The following ANK3 variants were observed in gnomAD, a reference collection of about 807,000 sequenced individuals.
The protein encoded by ANK3 is ankyrin 3, also known as ankyrin-3.
A neutral mutation model predicts 370.9 loss-of-function variants in ANK3; 57 were observed. The observed-to-expected ratio is 0.15, with a 90% CI of 0.12 to 0.19. The LOEUF is 0.19. ANK3 is among the 10% of genes least tolerant of loss of function. The pLI is 1.00. For synonymous variants in ANK3, 1,929 were observed against 1,946.3 expected, an observed-to-expected ratio of 0.99 and a Z score of 0.23; for missense variants, 4,439 against 5,302.1, an observed-to-expected ratio of 0.84 and a Z score of 5.06.
At chr10:60,144,734 T>C (rs185020799) in intron 23 of ANK3, among the ~76,000 whole-genome samples, 76 of 152,272 alleles carry the variant, frequency 5.0e-4, no homozygotes, top group Admixed American at 3.1e-3. Context: ...AAAGAGAGTA[T>C]ATTAAATGAT....
chr10:60,348,573 T>A (rs1399544300), intron 1 of ANK3, among the ~76,000 whole-genome samples: 1 of 152,168 alleles, frequency 6.6e-6, no homozygotes, highest in Non-Finnish European at 1.5e-5. Context: ...GCTTCCCAGC[T>A]GCTAAATACA....
In ANK3 at chr10:60,721,927, TG is replaced by T. The variant is rs369073311; in HGVS notation, c.57+11335del. On this transcript the variant is annotated intron_variant, in intron 1 of 43. Coordinates refer to the ANK3 transcript ENST00000373827. ...AATCTTACCAGTTGGGAGGAAACTC[TG>T]CAGAAGTGACTTTGCCAAGTGTACA... Among the ~76,000 whole-genome samples the T allele has an allele frequency of 3.3e-3, 496 of 152,314 alleles. 3 individuals carry two copies. Among genetic ancestry groups the T allele is most frequent in the African/African-American group, 0.011 (472 of 41,574 alleles).
At chr10:60,668,621 G>T (rs546165124) in intron 1 of ANK3, among the ~76,000 whole-genome samples, 15 of 152,168 alleles carry the variant, frequency 9.9e-5, no homozygotes, top group Non-Finnish European at 1.6e-4. Flanking sequence ...ACTGGGAGAT[G>T]GGAGGAAGTT....
At chr10:60,666,117 C>T (rs2078992434) in intron 1 of ANK3, among the ~76,000 whole-genome samples, 1 of 152,160 alleles carries the variant, frequency 6.6e-6, no homozygotes. Context: ...CACCTATGTT[C>T]ATAAGGGCAT....
At chr10:60,372,521 G>C (rs2060238314) in intron 1 of ANK3, among the ~76,000 whole-genome samples, 1 of 152,098 alleles carries the variant, frequency 6.6e-6, no homozygotes, top group South Asian at 2.1e-4. Context: ...GCCATGACAG[G>C]GTGCTAGGTT....
At chr10:60,151,090 T>C (rs1308115991) in intron 23 of ANK3, among the ~76,000 whole-genome samples, 1 of 152,146 alleles carries the variant, frequency 6.6e-6, no homozygotes, top group Non-Finnish European at 1.5e-5. Flanking sequence ...GGAGTAAAAA[T>C]AGTATTAATA....
intron 2 of ANK3, among the ~76,000 whole-genome samples, chr10:60,452,075 A>C (rs1449492836): frequency 1.3e-5 from 2 of 152,190 alleles, no homozygotes; most frequent in African/African-American, 4.8e-5. Context: ...TGTTTCTGTA[A>C]ATTCACTGAA....
upstream of ANK3, chr10:60,733,510 T>G: frequency 2.2e-6 from 1 of 447,716 alleles, no homozygotes; most frequent in Non-Finnish European, 3.6e-6. Context: ...GACCGCCAGG[T>G]GCCCGCGCGG....
Position 60,226,079 on chromosome 10 carries a change from G to C in ANK3, c.897+8609C>G, listed in dbSNP as rs1407501578. On this transcript the variant is annotated intron_variant, in intron 8 of 43. Transcript: ENST00000280772. ...TATAGTATATATTATATATAATATA[G>C]AGGATATAGTATATATCTAAATAGT... Among the ~76,000 whole-genome samples, 3 of 140,088 alleles carry C rather than the reference G, an allele frequency of 2.1e-5. 1 individual carries two copies. The South Asian group carries it at 6.5e-4, about 30-fold the overall frequency. The allele number at this position is 140,088 out of a possible 152,430, so 91.9% of individuals were successfully genotyped here. A position where few individuals can be genotyped will look rare whatever the true frequency, so the allele number is the denominator to read the frequency against.
At chr10:60,474,803 G>T (rs1467929954) in intron 2 of ANK3, among the ~76,000 whole-genome samples, 1 of 152,096 alleles carries the variant, frequency 6.6e-6, no homozygotes. Flanking sequence ...GTGTGTGTGT[G>T]TGTATTCACA....
chr10:60,116,920 C>T (rs1234726759), intron 25 of ANK3, among the ~76,000 whole-genome samples: 6 of 152,096 alleles, frequency 3.9e-5, no homozygotes, highest in African/African-American at 7.2e-5. Context: ...GGTACATCAT[C>T]GTAACATTTC....
At chr10:60,453,034 G>C (rs1332774635) in intron 2 of ANK3, among the ~76,000 whole-genome samples, 1 of 152,202 alleles carries the variant, frequency 6.6e-6, no homozygotes, top group Non-Finnish European at 1.5e-5. Context: ...CCAATTTGTA[G>C]TTTTAAAGAA....
chr10:60,375,498 G>C (rs527832714), intron 1 of ANK3, among the ~76,000 whole-genome samples: 45 of 151,996 alleles, frequency 3.0e-4, no homozygotes, highest in Admixed American at 1.3e-3. Context: ...GGCCTGCCTG[G>C]GGGGGGAGGG....
chr10:60,184,976 A>G (rs1354698609), intron 17 of ANK3, among the ~76,000 whole-genome samples: 1 of 152,320 alleles, frequency 6.6e-6, no homozygotes, highest in African/African-American at 2.4e-5. Flanking sequence ...ATAAAGACAA[A>G]TTGAGTTTTG....
chr10:60,716,690 A>C (rs1317420063), intron 1 of ANK3, among the ~76,000 whole-genome samples: 5 of 152,102 alleles, frequency 3.3e-5, no homozygotes, highest in South Asian at 4.2e-4. Context: ...ACTTTTTTTT[A>C]CTTTTAGTAG....
At position 60,162,719 on chromosome 10, in the gene ANK3, T is replaced by C. The variant is rs2095528946; in HGVS notation, c.2614+3872A>G. Among the ~76,000 whole-genome samples, 5 of 152,330 alleles carry C rather than the reference T, an allele frequency of 3.3e-5. 1 individual carries two copies. In the South Asian group the frequency reaches 1.0e-3, roughly 32 times the overall value. ...AGAGATATTTTTCAGCCCTATCAAA[T>C]TTGAAAGTAGCTTAGAATTAGAAAA... On this transcript the variant is annotated intron_variant, in intron 23 of 43. Coordinates refer to ENST00000280772, the MANE Select transcript of ANK3 (RefSeq NM_020987.5).
At chr10:60,441,741 A>T (rs2064304431) in intron 2 of ANK3, among the ~76,000 whole-genome samples, 1 of 152,182 alleles carries the variant, frequency 6.6e-6, no homozygotes, top group Non-Finnish European at 1.5e-5. Flanking sequence ...CAAGTACATA[A>T]ATTTCAGCGA....
intron 21 of ANK3, among the ~76,000 whole-genome samples, chr10:60,171,290 G>A (rs1004933774): frequency 6.6e-6 from 1 of 152,076 alleles, no homozygotes; most frequent in Admixed American, 6.5e-5. Flanking sequence ...TTTTTCTCCC[G>A]TAATCAGCAG....
intron 10 of ANK3, 142 bp downstream of exon 10, chr10:60,207,894 A>G (rs1413867061): frequency 1.3e-6 from 1 of 746,470 alleles, no homozygotes; most frequent in Non-Finnish European, 2.2e-6. Flanking sequence ...ACTTTCCTGA[A>G]GGATATTTGA....
Sources: allele counts gnomAD v4.1 joint callset (sites outside exome capture counted in the v4.1 genomes callset), GRCh38; gene constraint gnomAD v4.1.1; transcripts MANE v1.5; gene names NCBI Gene and HGNC (gene_info 2026-07-23, HGNC 2026-07-21).